CACHD1: variants seen among roughly 807,000 people sequenced by gnomAD.
CACHD1 encodes the protein VWFA and cache domain-containing protein 1.
CACHD1 carries 71 observed loss-of-function variants against 138.7 expected under a neutral mutation model. The observed-to-expected ratio is 0.51, with a 90% confidence interval of 0.42 to 0.62. The LOEUF (loss-of-function observed/expected upper bound fraction) is 0.62. CACHD1 is among the 20% of genes least tolerant of loss of function. The pLI is 0.00. For missense variants in CACHD1, 1,389 were observed against 1,625.3 expected (o/e 0.85, Z 2.50); for synonymous variants, 578 against 591.5 (o/e 0.98, Z 0.33).
chr1:64,616,746 GA>G (rs1647719908), intron 4 of CACHD1, among the ~76,000 whole-genome samples: 1 of 152,108 alleles, frequency 6.6e-6, no homozygotes. Flanking sequence ...ATGGAAAATG[GA>G]AGGAAGTGTA....
chr1:64,658,275 G>T (rs544853509), intron 12 of CACHD1, among the ~76,000 whole-genome samples: 3 of 152,296 alleles, frequency 2.0e-5, no homozygotes, highest in Non-Finnish European at 4.4e-5. Context: ...TTCACTACTG[G>T]CTTGAAAAAT....
intron 16 of CACHD1, among the ~76,000 whole-genome samples, chr1:64,668,453 G>C (rs1343199802): frequency 6.6e-6 from 1 of 152,210 alleles, no homozygotes; most frequent in Non-Finnish European, 1.5e-5. Context: ...GGGAGGCGGA[G>C]GTTGCAGTGA....
chr1:64,679,397 T>C (rs773804018), intron 23 of CACHD1, among the ~76,000 whole-genome samples, 198 bp from the exon 24 acceptor site: 1 of 152,204 alleles, frequency 6.6e-6, no homozygotes, highest in African/African-American at 2.4e-5. Context: ...CAACCAACAC[T>C]GGAGAACCAG....
At chr1:64,637,818 G>A (rs1648575356) in intron 7 of CACHD1, among the ~76,000 whole-genome samples, 1 of 152,154 alleles carries the variant, frequency 6.6e-6, no homozygotes, top group South Asian at 2.1e-4. Flanking sequence ...AAAGACTTCA[G>A]GAATGAGCGT....
intron 16 of CACHD1, 29 bp downstream of exon 16, chr1:64,666,196 T>G (rs747892733): frequency 7.3e-7 from 1 of 1,365,608 alleles, no homozygotes; most frequent in Admixed American, 1.8e-5. Flanking sequence ...TTATAGTCAT[T>G]TCTTAAATAT....
chr1:64,543,031 T>G (rs1243867911), intron 1 of CACHD1, among the ~76,000 whole-genome samples: 4 of 151,612 alleles, frequency 2.6e-5, no homozygotes, highest in Non-Finnish European at 5.9e-5. Context: ...AGAATAATAT[T>G]TATATATTTA....
intron 3 of CACHD1, among the ~76,000 whole-genome samples, chr1:64,591,325 G>T (rs1347713956): frequency 6.6e-6 from 1 of 152,164 alleles, no homozygotes; most frequent in Non-Finnish European, 1.5e-5. Context: ...TTCCAGGAGA[G>T]GAAGCTCAAT....
chr1:64,526,203 C>G (rs754797393), intron 1 of CACHD1, among the ~76,000 whole-genome samples: 4 of 152,128 alleles, frequency 2.6e-5, no homozygotes, highest in Non-Finnish European at 5.9e-5. Flanking sequence ...TGTAAGCTGT[C>G]TTTTTTAAAG....
rs3078381 is a variant in CACHD1, at chr1:64,535,327, GT to G, written c.199-15252del. On this transcript the variant is annotated intron_variant, in intron 1 of 26. Coordinates refer to ENST00000651257, the MANE Select transcript of CACHD1 (RefSeq NM_020925.4). ...AGTATACTTGATGGGAATTTGGAGG[GT>G]TTTTTTTTTTTTTTGAGATAGAGTT... Among the ~76,000 whole-genome samples, 1,319 of 136,528 alleles carry G rather than the reference GT, an allele frequency of 9.7e-3. 2 individuals are homozygous for G. Among genetic ancestry groups the G allele is most frequent in the Non-Finnish European group, 0.015 (944 of 63,256 alleles). The allele number at this position is 136,528 out of a possible 152,430, so 89.6% of individuals were successfully genotyped here.
At chr1:64,642,077 G>T in intron 8 of CACHD1, 108 bp downstream of exon 8, 1 of 1,027,078 alleles carries the variant, frequency 9.7e-7, no homozygotes. Context: ...TGAAGGCTAC[G>T]GGAAAAGGCA....
intron 7 of CACHD1, among the ~76,000 whole-genome samples, chr1:64,636,449 G>A (rs1211773004): frequency 6.6e-6 from 1 of 152,108 alleles, no homozygotes; most frequent in African/African-American, 2.4e-5. Context: ...CTCTGTTTAG[G>A]GTCTCACAGG....
chr1:64,665,469 C>CA (rs970217228), intron 15 of CACHD1, among the ~76,000 whole-genome samples: 18 of 150,756 alleles, frequency 1.2e-4, no homozygotes, highest in Non-Finnish European at 2.1e-4. Context: ...AAAAACAAAA[C>CA]AAAAAAACAA....
At chr1:64,622,897 T>C (rs1647967217) in intron 4 of CACHD1, among the ~76,000 whole-genome samples, 1 of 152,206 alleles carries the variant, frequency 6.6e-6, no homozygotes, top group African/African-American at 2.4e-5. Flanking sequence ...GTTTAACATG[T>C]GCAGTTAGTA....
At chr1:64,611,373 T>G (rs956506888) in intron 4 of CACHD1, among the ~76,000 whole-genome samples, 3 of 152,234 alleles carry the variant, frequency 2.0e-5, no homozygotes, top group African/African-American at 7.2e-5. Flanking sequence ...TTTCCAAAAT[T>G]TATGCTCTGC....
intron 8 of CACHD1, among the ~76,000 whole-genome samples, chr1:64,643,763 G>C (rs545443056): frequency 6.6e-6 from 1 of 152,244 alleles, no homozygotes; most frequent in South Asian, 2.1e-4. Context: ...GCTAGAACCC[G>C]GGAGGCGGAG....
At chr1:64,561,858 C>CA (rs35407984) in intron 2 of CACHD1, among the ~76,000 whole-genome samples, 76,147 of 116,264 alleles carry the variant, frequency 0.65, 25,991 homozygotes, top group South Asian at 0.81. Flanking sequence ...ACACTGTCTC[C>CA]AAAAAAAAAA....
chr1:64,530,570 G>A (rs1646574577), intron 1 of CACHD1, among the ~76,000 whole-genome samples: 1 of 151,924 alleles, frequency 6.6e-6, no homozygotes, highest in Admixed American at 6.6e-5. Flanking sequence ...CCCTGGAATG[G>A]TTACTTAAAA....
At chr1:64,508,300 C>T (rs1012492851) in intron 1 of CACHD1, among the ~76,000 whole-genome samples, 2 of 152,174 alleles carry the variant, frequency 1.3e-5, no homozygotes. Flanking sequence ...CAAACCATAT[C>T]ACCTTCTTGA....
At chr1:64,531,014 T>A (rs1455657234) in intron 1 of CACHD1, among the ~76,000 whole-genome samples, 1 of 151,810 alleles carries the variant, frequency 6.6e-6, no homozygotes, top group Non-Finnish European at 1.5e-5. Context: ...AATTTGTTTT[T>A]AAAAATCCAA....
Sources: gnomAD v4.1 joint callset for allele counts (sites outside exome capture counted in the v4.1 genomes callset) on GRCh38, gnomAD v4.1.1 for gene constraint, MANE v1.5 for transcripts, NCBI Gene and HGNC (gene_info 2026-07-23, HGNC 2026-07-21) for gene names.